The following CMYA5 variants were observed in gnomAD, a reference collection of about 807,000 sequenced individuals.
CMYA5 encodes cardiomyopathy associated 5, also known as cardiomyopathy-associated protein 5.
In CMYA5, 246 loss-of-function variants were observed where a neutral mutation model predicts 318.9. The ratio of observed to expected loss-of-function variants is 0.77; its 90% CI spans 0.70 to 0.86. CMYA5 has a LOEUF of 0.86. Ranked by LOEUF, CMYA5 falls within the 40% of genes least tolerant of loss-of-function variation. CMYA5 has a pLI of 0.00. For missense variants in CMYA5, 4,589 were observed against 4,678.2 expected (o/e 0.98, Z 0.56); for synonymous variants, 1,641 against 1,729.5 (o/e 0.95, Z 1.27).
chr5:79,739,880 G>C (rs1828176162), intron 2 of CMYA5, among the ~76,000 whole-genome samples: 1 of 151,946 alleles, frequency 6.6e-6, no homozygotes, highest in Non-Finnish European at 1.5e-5. Context: ...TTACTTGGGG[G>C]GCTGAGGTGG....
At chr5:79,726,487 A>G (rs1827750644) in intron 1 of CMYA5, among the ~76,000 whole-genome samples, 1 of 152,216 alleles carries the variant, frequency 6.6e-6, no homozygotes, top group South Asian at 2.1e-4. Flanking sequence ...ATTAATTCCT[A>G]ATTAAGTTCA....
At chr5:79,791,743 GAGA>G (rs2151100949) in intron 11 of CMYA5, among the ~76,000 whole-genome samples, 1 of 149,472 alleles carries the variant, frequency 6.7e-6, no homozygotes, top group African/African-American at 2.5e-5. Flanking sequence ...AGGCATAGAA[GAGA>G]AGGACAGTTT....
At chr5:79,743,789 A>T (rs1397071500) in intron 2 of CMYA5, 38 bp from the exon 3 acceptor site, 2 of 1,129,824 alleles carry the variant, frequency 1.8e-6, no homozygotes, top group Admixed American at 2.5e-5. Flanking sequence ...CTCTTCCTAA[A>T]TGTCATATAC....
At position 79,736,556 on chromosome 5, in the gene CMYA5, A is replaced by T; in HGVS notation, c.7791A>T (p.Lys2597Asn). 1 of 1,613,720 alleles carries T rather than the reference A, an allele frequency of 6.2e-7. No homozygotes were observed. The highest frequency in any genetic ancestry group is 1.1e-5 in the South Asian group (1 of 91,076). ...TTAAAGCTACATCAGTTACTGAAAA[A>T]TCAGAAGCCATGCTCGCAGAGGCTC... ...SLVKATSVTE[K>N]SEAMLAEAHP... The change falls in exon 2 of 13, where the codon AAA becomes AAT. Residue 2597 changes from lysine (K) to asparagine (N), a missense_variant. Transcript: ENST00000446378.
chr5:79,758,483 G>T (rs1037774293), intron 6 of CMYA5, among the ~76,000 whole-genome samples: 2 of 152,020 alleles, frequency 1.3e-5, no homozygotes, highest in Admixed American at 1.3e-4. Flanking sequence ...AGTGAGCCGA[G>T]ATCGTGCCAC....
chr5:79,720,781 A>C (rs1167167398), intron 1 of CMYA5, among the ~76,000 whole-genome samples: 1 of 152,150 alleles, frequency 6.6e-6, no homozygotes, highest in Admixed American at 6.6e-5. Context: ...CAAGAATGAA[A>C]ATGTAAAAAG....
intron 8 of CMYA5, 26 bp downstream of exon 8, chr5:79,761,983 A>C (rs1204716925): frequency 6.3e-7 from 1 of 1,599,996 alleles, no homozygotes; most frequent in Non-Finnish European, 8.5e-7. Flanking sequence ...CTAAGGGTGC[A>C]TTAGAAGACA....
intron 9 of CMYA5, among the ~76,000 whole-genome samples, chr5:79,771,678 T>C (rs753376287): frequency 6.6e-6 from 1 of 152,208 alleles, no homozygotes; most frequent in Non-Finnish European, 1.5e-5. Flanking sequence ...TTGCCTACTC[T>C]GAGTGAACCT....
chr5:79,735,165 C>A lies in CMYA5; in HGVS notation c.6400C>A (p.Pro2134Thr). Reference sequence around the variant, plus strand: ...AGTAAAAATACCCACACAAAGAAAACCCATCTCCTCAATCCATGCAAGAGA... The same window carrying A: ...AGTAAAAATACCCACACAAAGAAAAACCATCTCCTCAATCCATGCAAGAGA... The part of the protein sequence containing the change: ...PEVKIPTQRK[P>T]ISSIHAREPQ... The change falls in exon 2 of 13, where the codon CCC becomes ACC. Residue 2134 changes from proline to threonine, a missense_variant. This residue lies in a region of CMYA5 where 2,431 missense variants were observed against 2,495.1 expected (regional missense o/e 0.97). Coordinates refer to ENST00000446378, the MANE Select transcript of CMYA5 (RefSeq NM_153610.5). 6.2e-7 allele frequency: 1 copy of A among 1,613,508 alleles called. No individual in the cohort carries two copies. Among genetic ancestry groups the A allele is most frequent in the Non-Finnish European group, 8.5e-7 (1 of 1,179,734 alleles).
intron 9 of CMYA5, among the ~76,000 whole-genome samples, chr5:79,767,352 ATTTG>A (rs1427084081): frequency 1.3e-5 from 2 of 151,872 alleles, no homozygotes; most frequent in Admixed American, 6.6e-5. Context: ...TATCTTTTGA[ATTTG>A]TTTGCTCTTG....
chr5:79,738,775 G>GT lies in CMYA5; in HGVS notation c.10012dup (p.Tyr3338LeufsTer6). On this transcript the variant is annotated frameshift_variant, in exon 2 of 13. Transcript: ENST00000446378. LOFTEE classifies it high-confidence loss of function. ...GTCAGAGTGGCTACCCAGAAAATAAGTTATGCGGTTCCATTTGAAGACACC... is the reference window on the plus strand; with the variant it reads ...GTCAGAGTGGCTACCCAGAAAATAAGTTTATGCGGTTCCATTTGAAGACACC... The GT allele has an allele frequency of 6.2e-7, 1 of 1,613,896 alleles. No homozygotes were observed. The highest frequency in any genetic ancestry group is 8.5e-7 in the Non-Finnish European group (1 of 1,179,856).
chr5:79,768,058 C>G (rs1014568387), intron 9 of CMYA5, among the ~76,000 whole-genome samples: 1 of 151,900 alleles, frequency 6.6e-6, no homozygotes, highest in African/African-American at 2.4e-5. Context: ...ATGTAACGGC[C>G]TTCTTTGTCT....
chr5:79,720,176 A>G (rs1006363869), intron 1 of CMYA5, among the ~76,000 whole-genome samples: 3 of 152,160 alleles, frequency 2.0e-5, no homozygotes, highest in African/African-American at 4.8e-5. Flanking sequence ...ACATTAATCT[A>G]CAGATTCCAG....
Position 79,730,667 on chromosome 5 carries a change from G to T in CMYA5, c.1902G>T (p.Glu634Asp), listed in dbSNP as rs770416589. The T allele has an allele frequency of 6.2e-7, 1 of 1,613,992 alleles. No homozygotes were observed. Among genetic ancestry groups the T allele is most frequent in the Non-Finnish European group, 8.5e-7 (1 of 1,179,886 alleles). ...IAEHAVLSEE[E>D]NEEFEAYSPA... The stretch of plus-strand genomic sequence containing the variant: ...AACATGCAGTTTTGTCAGAAGAAGA[G>T]AATGAGGAATTTGAGGCTTATTCCC... Residue 634 changes from glutamate to aspartate, a missense_variant, in exon 2 of 13, where the codon GAG (glutamate) becomes GAT (aspartate). By Grantham distance (45) the Glu-to-Asp change is conservative. Coordinates refer to ENST00000446378, the MANE Select transcript of CMYA5 (RefSeq NM_153610.5).
At chr5:79,748,967 T>A (rs1384982445) in intron 5 of CMYA5, among the ~76,000 whole-genome samples, 2 of 152,172 alleles carry the variant, frequency 1.3e-5, no homozygotes, top group Admixed American at 1.3e-4. Context: ...GTAAGAAAAT[T>A]TGGTGAGTGA....
intron 5 of CMYA5, among the ~76,000 whole-genome samples, chr5:79,748,841 A>T (rs1164687996): frequency 2.0e-5 from 3 of 152,158 alleles, no homozygotes; most frequent in Non-Finnish European, 4.4e-5. Flanking sequence ...AATATTATTG[A>T]CATTTCTTTT....
In CMYA5 at chr5:79,735,060, G is replaced by A. The variant is rs540652058; in HGVS notation, c.6295G>A (p.Glu2099Lys). 2 of 1,613,858 alleles carry A rather than the reference G, an allele frequency of 1.2e-6. No homozygotes were observed. Among genetic ancestry groups the A allele is most frequent in the East Asian group, 2.2e-5 (1 of 44,880 alleles). ...CAGGAGCACACCTCCTTTTCCTGAA[G>A]AGAAGCCATTGGAAGAATCAAAAAT... ...AHRSTPPFPE[E>K]KPLEESKMVQ... The change falls in exon 2 of 13, where the codon GAG (glutamate) becomes AAG (lysine). Residue 2099 changes from glutamate (E) to lysine (K), a missense_variant. Coordinates refer to ENST00000446378, the MANE Select transcript of CMYA5 (RefSeq NM_153610.5).
intron 1 of CMYA5, among the ~76,000 whole-genome samples, chr5:79,715,009 T>G (rs1469887955): frequency 6.6e-6 from 1 of 152,166 alleles, no homozygotes; most frequent in Admixed American, 6.5e-5. Context: ...GGGACAGAGA[T>G]AGAGGTGATG....
intron 7 of CMYA5, among the ~76,000 whole-genome samples, chr5:79,761,009 C>G (rs1364059749): frequency 2.0e-5 from 3 of 151,912 alleles, no homozygotes; most frequent in Non-Finnish European, 4.4e-5. Flanking sequence ...ATGTGACATT[C>G]AAGAGTCATA....
Sources: allele counts gnomAD v4.1 joint callset (sites outside exome capture counted in the v4.1 genomes callset), GRCh38; gene constraint gnomAD v4.1.1; regional missense constraint gnomAD v4.1.1; transcripts MANE v1.5; gene names NCBI Gene and HGNC (gene_info 2026-07-23, HGNC 2026-07-21).